The following C12orf42 variants were observed in gnomAD, a reference collection of about 807,000 sequenced individuals.
C12orf42 encodes uncharacterized protein C12orf42.
Under a neutral mutation model 21.6 loss-of-function variants are expected in C12orf42, and 25 were observed. That is an observed-to-expected ratio of 1.16 (90% CI 0.84 to 1.62). The LOEUF (loss-of-function observed/expected upper bound fraction) is 1.62. Ranked by LOEUF, C12orf42 falls within the 40% of genes most tolerant of loss-of-function variation. The probability of loss-of-function intolerance (pLI) is 0.00; values close to 1 mark genes in which losing one functional copy is unlikely to be tolerated. For synonymous variants in C12orf42, 174 were observed against 175.0 expected (o/e 0.99, Z 0.05); for missense variants, 483 against 459.3 (o/e 1.05, Z -0.47).
Position 103,341,334 on chromosome 12 carries a change from C to T in C12orf42, c.259+27553G>A, listed in dbSNP as rs370040871. On this transcript the variant is annotated intron_variant, in intron 4 of 5. Transcript: ENST00000548883. The stretch of plus-strand genomic sequence containing the variant: ...CGCACCTGTGAATAGCTACTATATC[C>T]TATCCTTGGTGACACAGCAAAAACC... Among the ~76,000 whole-genome samples, 25 of 152,060 alleles carry T rather than the reference C, an allele frequency of 1.6e-4. No individual in the cohort carries two copies. In the East Asian group the frequency reaches 4.2e-3, roughly 26 times the overall value.
At chr12:103,284,784 C>T (rs980680010) in intron 4 of C12orf42, among the ~76,000 whole-genome samples, 2 of 152,280 alleles carry the variant, frequency 1.3e-5, no homozygotes, top group Admixed American at 1.3e-4. Flanking sequence ...AATTGACTTT[C>T]GTGGGTCCTA....
intron 2 of C12orf42, among the ~76,000 whole-genome samples, chr12:103,475,938 C>T (rs200386940): frequency 1.3e-5 from 2 of 152,184 alleles, no homozygotes; most frequent in African/African-American, 4.8e-5. Flanking sequence ...CTGGGATTAA[C>T]ATGAAAGATG....
chr12:103,453,376 T>C (rs1952080895), intron 2 of C12orf42, among the ~76,000 whole-genome samples: 1 of 151,966 alleles, frequency 6.6e-6, no homozygotes, highest in South Asian at 2.1e-4. Context: ...GTCATACTCA[T>C]CTCTGTGTCT....
chr12:103,155,046 A>G, the C12orf42 span: 1 of 152,224 alleles, frequency 6.6e-6, no homozygotes, highest in Non-Finnish European at 1.5e-5. Context: ...GTAAATCAGT[A>G]TAAAGCCCAC....
the C12orf42 span, among the ~76,000 whole-genome samples, chr12:103,539,823 C>G: frequency 6.6e-6 from 1 of 151,962 alleles, no homozygotes; most frequent in Non-Finnish European, 1.5e-5. Flanking sequence ...TCGTGATTCG[C>G]CCGCCTTGGC....
At chr12:103,204,125 C>G in the C12orf42 span, among the ~76,000 whole-genome samples, 16 of 152,214 alleles carry the variant, frequency 1.1e-4, no homozygotes, top group African/African-American at 3.9e-4. Flanking sequence ...GGGAGATGCA[C>G]AGGGGAAAAG....
chr12:103,296,054 C>T (rs969857647), intron 4 of C12orf42, among the ~76,000 whole-genome samples: 12 of 140,354 alleles, frequency 8.5e-5, no homozygotes, highest in African/African-American at 3.2e-4. Context: ...TGATGTTCCG[C>T]TTCCTGTGTC....
intron 4 of C12orf42, among the ~76,000 whole-genome samples, chr12:103,330,683 G>A (rs1166473793): frequency 2.0e-5 from 3 of 152,134 alleles, no homozygotes; most frequent in African/African-American, 7.2e-5. Flanking sequence ...GGCCCTCTCT[G>A]TTCTAACTCC....
chr12:103,047,687 T>C, the C12orf42 span, among the ~76,000 whole-genome samples: 2 of 152,200 alleles, frequency 1.3e-5, no homozygotes, highest in Non-Finnish European at 2.9e-5. Context: ...GCAGTTCTCC[T>C]GACCTAGGCC....
At chr12:103,486,733 C>A (rs931200957) in intron 1 of C12orf42, among the ~76,000 whole-genome samples, 2 of 152,130 alleles carry the variant, frequency 1.3e-5, no homozygotes, top group Non-Finnish European at 2.9e-5. Flanking sequence ...TCTAGATTTT[C>A]TAGCTTATTT....
the C12orf42 span, among the ~76,000 whole-genome samples, chr12:103,100,762 T>G: frequency 6.6e-6 from 1 of 152,210 alleles, no homozygotes; most frequent in East Asian, 1.9e-4. Context: ...CATAACCCAG[T>G]CTGGCTCTGC....
chr12:103,417,936 G>A (rs2049512402), intron 2 of C12orf42, among the ~76,000 whole-genome samples: 1 of 152,146 alleles, frequency 6.6e-6, no homozygotes, highest in African/African-American at 2.4e-5. Flanking sequence ...AAAGTTAGTT[G>A]ACACTGAAGA....
intron 3 of C12orf42, among the ~76,000 whole-genome samples, chr12:103,395,480 C>T (rs575321814): frequency 3.9e-5 from 6 of 152,102 alleles, no homozygotes; most frequent in East Asian, 1.9e-4. Context: ...GGACTACAGG[C>T]GCCCACCACC....
intron 4 of C12orf42, among the ~76,000 whole-genome samples, chr12:103,287,721 CAA>C (rs376221969): frequency 4.1e-5 from 6 of 144,854 alleles, no homozygotes; most frequent in Admixed American, 6.9e-5. Context: ...AAAAAAAAAA[CAA>C]AAAAAAGTGT....
the C12orf42 span, among the ~76,000 whole-genome samples, chr12:103,526,670 A>G: frequency 2.6e-5 from 4 of 152,338 alleles, no homozygotes; most frequent in African/African-American, 9.6e-5. Context: ...ATTAAGCACC[A>G]GAAAGCTCAA....
the C12orf42 span, among the ~76,000 whole-genome samples, chr12:103,551,773 T>A: frequency 3.3e-5 from 5 of 152,228 alleles, no homozygotes; most frequent in Admixed American, 1.3e-4. Flanking sequence ...GCCAAGATCT[T>A]GCTACTATAC....
the C12orf42 span, among the ~76,000 whole-genome samples, chr12:103,188,312 A>T: frequency 1.3e-5 from 2 of 151,376 alleles, no homozygotes; most frequent in Non-Finnish European, 2.9e-5. Flanking sequence ...CCATAAGTTT[A>T]TTGGGGTACA....
the C12orf42 span, among the ~76,000 whole-genome samples, chr12:103,184,588 A>G: frequency 6.6e-6 from 1 of 152,092 alleles, no homozygotes; most frequent in Non-Finnish European, 1.5e-5. Context: ...TCTGTATATG[A>G]GAAACAAAGA....
intron 4 of C12orf42, among the ~76,000 whole-genome samples, chr12:103,287,919 C>G (rs2036576701): frequency 6.6e-6 from 1 of 152,190 alleles, no homozygotes; most frequent in South Asian, 2.1e-4. Flanking sequence ...AGGAAGGAAG[C>G]CTGAATGATG....
Sources: allele counts gnomAD v4.1 joint callset (sites outside exome capture counted in the v4.1 genomes callset), GRCh38; gene constraint gnomAD v4.1.1; transcripts MANE v1.5; gene names NCBI Gene and HGNC (gene_info 2026-07-23, HGNC 2026-07-21).